The following PTPRA variants were observed in gnomAD, a reference collection of about 807,000 sequenced individuals.
PTPRA encodes the protein receptor-type tyrosine-protein phosphatase alpha.
Under a neutral mutation model 104.8 loss-of-function variants are expected in PTPRA, and 25 were observed. The ratio of observed to expected loss-of-function variants is 0.24; its 90% CI spans 0.17 to 0.33. The LOEUF (loss-of-function observed/expected upper bound fraction) is 0.33, where lower values mean the gene tolerates loss of function less well. Ranked by LOEUF, PTPRA falls within the 10% of genes least tolerant of loss-of-function variation. The pLI, the probability that PTPRA is intolerant of heterozygous loss-of-function variation, is 1.00. For missense variants in PTPRA, 765 were observed against 1,015.3 expected (o/e 0.75, Z 3.35); for synonymous variants, 323 against 368.9 (o/e 0.88, Z 1.43).
rs1386517473 is a variant in PTPRA, at chr20:3,037,420, A to AG, written c.2334+133dup. On this transcript the variant is annotated intron_variant, in intron 23 of 23. Transcript: ENST00000399903. The surrounding 1 kb of genome is among the most constrained non-coding windows in gnomAD (Gnocchi z 4.3). The stretch of plus-strand genomic sequence containing the variant: ...ACACAGACCTGCCCTTGCCCTCCCA[A>AG]GGTGCCCCAAATACACAGGAAACAT... 2.1e-6 allele frequency: 3 copies of AG among 1,395,416 alleles called. No homozygotes were observed. The East Asian group carries it at 6.9e-5, about 32-fold the overall frequency. 86.4% of individuals were successfully genotyped at this position (1,395,416 alleles called of 1,614,324 possible).
chr20:2,889,664 G>A (rs1233541854), intron 1 of PTPRA, among the ~76,000 whole-genome samples: 5 of 152,076 alleles, frequency 3.3e-5, no homozygotes, highest in African/African-American at 7.3e-5. Context: ...ACCCAATTAA[G>A]GAGGACAGTT....
At chr20:2,899,235 A>G (rs890762852) in intron 1 of PTPRA, among the ~76,000 whole-genome samples, 2 of 152,242 alleles carry the variant, frequency 1.3e-5, no homozygotes, top group Non-Finnish European at 2.9e-5. Context: ...AGAGTGAGAT[A>G]GAGTGAGACC....
intron 11 of PTPRA, among the ~76,000 whole-genome samples, chr20:3,013,480 C>T (rs963505865): frequency 2.6e-5 from 4 of 151,058 alleles, no homozygotes; most frequent in East Asian, 1.9e-4. Flanking sequence ...TGCAATGGCG[C>T]GATCTCACTA....
intron 3 of PTPRA, 34 bp from the exon 4 acceptor site, chr20:2,964,238 A>G: frequency 1.3e-6 from 2 of 1,517,316 alleles, no homozygotes; most frequent in Non-Finnish European, 1.8e-6. Flanking sequence ...CTGATAATAT[A>G]GGACCTCATC....
intron 1 of PTPRA, among the ~76,000 whole-genome samples, chr20:2,895,879 C>CT (rs1342384543): frequency 6.6e-6 from 1 of 151,964 alleles, no homozygotes; most frequent in African/African-American, 2.4e-5. Flanking sequence ...TGTACAATGT[C>CT]TTTTTTATGT....
intron 13 of PTPRA, among the ~76,000 whole-genome samples, chr20:3,019,943 G>A (rs1403637388): frequency 1.1e-4 from 16 of 149,922 alleles, no homozygotes; most frequent in African/African-American, 2.7e-4. Context: ...GCGTGGCGGC[G>A]CGCGCCTGCA....
At chr20:3,023,573 G>A (rs972047546) in intron 16 of PTPRA, among the ~76,000 whole-genome samples, 4 of 152,166 alleles carry the variant, frequency 2.6e-5, no homozygotes, top group South Asian at 2.1e-4. Flanking sequence ...TCTGGCCTAC[G>A]TGCACATCAA....
chr20:2,960,034 C>G (rs1054098701), intron 3 of PTPRA, among the ~76,000 whole-genome samples: 1 of 152,170 alleles, frequency 6.6e-6, no homozygotes, highest in Non-Finnish European at 1.5e-5. Context: ...TATCCACATC[C>G]TACACCACTG....
chr20:3,008,975 A>T (rs938341741), intron 11 of PTPRA, among the ~76,000 whole-genome samples: 1 of 152,102 alleles, frequency 6.6e-6, no homozygotes. Flanking sequence ...CACAAGAAAA[A>T]AAAAGGACAC....
upstream of PTPRA, among the ~76,000 whole-genome samples, chr20:2,869,540 A>G (rs2089403058): frequency 1.3e-5 from 2 of 152,228 alleles, no homozygotes; most frequent in Admixed American, 1.3e-4. Flanking sequence ...GCCTATGCCT[A>G]CATGGGTGGG....
chr20:3,017,664 A>G (rs181650585), intron 12 of PTPRA, 152 bp from the exon 13 acceptor site: 54 of 633,670 alleles, frequency 8.5e-5, no homozygotes, highest in Admixed American at 4.5e-4. Flanking sequence ...AAAATACTCA[A>G]TTAGTAACGG....
intron 6 of PTPRA, among the ~76,000 whole-genome samples, chr20:2,981,792 T>C (rs1196231313): frequency 6.6e-6 from 1 of 152,178 alleles, no homozygotes; most frequent in Non-Finnish European, 1.5e-5. Context: ...CAATTCCCTC[T>C]GAGCTTGAGG....
At chr20:2,899,208 C>T (rs144862202) in intron 1 of PTPRA, among the ~76,000 whole-genome samples, 1 of 152,220 alleles carries the variant, frequency 6.6e-6, no homozygotes, top group Admixed American at 6.5e-5. Context: ...TGGTGACACG[C>T]ACCTATAGTC....
chr20:2,957,831 A>G (rs1262316897), intron 3 of PTPRA, among the ~76,000 whole-genome samples: 3 of 152,154 alleles, frequency 2.0e-5, no homozygotes, highest in Middle Eastern at 3.2e-3. Flanking sequence ...GTTTGAAGGC[A>G]CCGCTATGGA....
chr20:2,911,810 C>T (rs929972536), intron 1 of PTPRA, among the ~76,000 whole-genome samples: 2 of 151,706 alleles, frequency 1.3e-5, no homozygotes, highest in Admixed American at 6.6e-5. Context: ...TTTAGGAAAG[C>T]ATATTTCAAG....
At chr20:2,914,983 C>G (rs915427988) in intron 1 of PTPRA, among the ~76,000 whole-genome samples, 2 of 152,128 alleles carry the variant, frequency 1.3e-5, no homozygotes, top group Non-Finnish European at 2.9e-5. Context: ...TTGCAGTTTA[C>G]TTAGCGCCAC....
At chr20:2,917,563 CCT>C (rs1230893313) in intron 1 of PTPRA, among the ~76,000 whole-genome samples, 1 of 152,186 alleles carries the variant, frequency 6.6e-6, no homozygotes, top group Non-Finnish European at 1.5e-5. Flanking sequence ...AGTTTTCCCT[CCT>C]CTCTTAAGAA....
At chr20:2,983,557 TA>T (rs1333729123) in intron 6 of PTPRA, among the ~76,000 whole-genome samples, 1 of 19,294 alleles carries the variant, frequency 5.2e-5, no homozygotes, top group Non-Finnish European at 1.1e-4. Flanking sequence ...CTGGTGGCAA[TA>T]AAAAAAATGC....
At chr20:2,877,337 G>A (rs116387767) in intron 1 of PTPRA, among the ~76,000 whole-genome samples, 2,890 of 152,194 alleles carry the variant, frequency 0.019, 97 homozygotes, top group African/African-American at 0.064. Context: ...CTTGGCTCAC[G>A]CAACTTTTGC....
Sources: allele counts gnomAD v4.1 joint callset (sites outside exome capture counted in the v4.1 genomes callset), GRCh38; gene constraint gnomAD v4.1.1; non-coding constraint Gnocchi (gnomAD v3.1); transcripts MANE v1.5; gene names NCBI Gene and HGNC (gene_info 2026-07-23, HGNC 2026-07-21).